Variants in RUNX1 observed in about 807,000 individuals in gnomAD.
RUNX1 encodes the protein runt-related transcription factor 1.
Under a neutral mutation model 42.8 loss-of-function variants are expected in RUNX1, and 19 were observed. That is an observed-to-expected ratio of 0.44 (90% confidence interval 0.31 to 0.65). The LOEUF is 0.65. Among genes scored for constraint, RUNX1 ranks in the 30% least tolerant of loss-of-function variants. RUNX1 has a pLI of 0.07. For synonymous variants in RUNX1, 271 were observed against 289.4 expected, an observed-to-expected ratio of 0.94 and a Z score of 0.64; for missense variants, 528 against 672.0, an observed-to-expected ratio of 0.79 and a Z score of 2.37.
chr21:34,863,088 G>A (rs1302326394), intron 5 of RUNX1, among the ~76,000 whole-genome samples: 2 of 152,138 alleles, frequency 1.3e-5, no homozygotes, highest in African/African-American at 4.8e-5. Flanking sequence ...AAACAAGATG[G>A]ATTTTATTGT....
intron 2 of RUNX1, among the ~76,000 whole-genome samples, chr21:34,902,770 TC>T (rs1268126114): frequency 6.6e-6 from 1 of 152,168 alleles, no homozygotes; most frequent in South Asian, 2.1e-4. Context: ...AGCCTCAGCC[TC>T]CTCATCCACA....
At chr21:34,913,782 AGTT>A (rs2058291029) in intron 2 of RUNX1, among the ~76,000 whole-genome samples, 1 of 152,196 alleles carries the variant, frequency 6.6e-6, no homozygotes, top group African/African-American at 2.4e-5. Flanking sequence ...ACTGACACGA[AGTT>A]GTGTTTTGGC....
intron 7 of RUNX1, among the ~76,000 whole-genome samples, chr21:34,806,332 G>A (rs751039226): frequency 1.3e-5 from 2 of 152,164 alleles, no homozygotes; most frequent in Non-Finnish European, 2.9e-5. Context: ...AGCCAGAGCA[G>A]CGATGTTAAT....
intron 2 of RUNX1, among the ~76,000 whole-genome samples, chr21:35,014,870 G>A (rs974403837): frequency 2.6e-5 from 4 of 152,298 alleles, no homozygotes; most frequent in Middle Eastern, 3.4e-3. Context: ...TTCTCTGTTC[G>A]TCTCCCTTGG....
At chr21:34,986,910 C>T (rs2058892113) in intron 2 of RUNX1, among the ~76,000 whole-genome samples, 1 of 152,182 alleles carries the variant, frequency 6.6e-6, no homozygotes, top group African/African-American at 2.4e-5. Flanking sequence ...CCCCTAACCT[C>T]AACCACTGAG....
chr21:34,989,862 T>G (rs1241795592), intron 2 of RUNX1, among the ~76,000 whole-genome samples: 1 of 152,178 alleles, frequency 6.6e-6, no homozygotes, highest in Non-Finnish European at 1.5e-5. Context: ...TCCCTGGGCT[T>G]TGCCTGCCAC....
intron 2 of RUNX1, among the ~76,000 whole-genome samples, chr21:35,024,887 T>C (rs1314727330): frequency 6.6e-6 from 1 of 152,196 alleles, no homozygotes; most frequent in Non-Finnish European, 1.5e-5. Flanking sequence ...GTCTGATTTT[T>C]AGAAACAGCC....
chr21:35,018,842 C>T (rs187672162), intron 2 of RUNX1, among the ~76,000 whole-genome samples: 9 of 152,280 alleles, frequency 5.9e-5, no homozygotes, highest in East Asian at 3.9e-4. Flanking sequence ...ACCTGCCCAA[C>T]GATCTGCAGT....
At chr21:35,032,826 T>C (rs1380336797) in intron 2 of RUNX1, among the ~76,000 whole-genome samples, 1 of 152,224 alleles carries the variant, frequency 6.6e-6, no homozygotes, top group African/African-American at 2.4e-5. Context: ...TGGGTGGAAA[T>C]CCCAGTTACT....
At chr21:34,943,329 A>G (rs2058541495) in intron 2 of RUNX1, among the ~76,000 whole-genome samples, 1 of 131,730 alleles carries the variant, frequency 7.6e-6, no homozygotes, top group South Asian at 2.2e-4. Context: ...TGTCTTTACC[A>G]GATGTACCCA....
chr21:34,969,074 A>AT (rs1334021638), intron 2 of RUNX1, among the ~76,000 whole-genome samples: 1 of 152,158 alleles, frequency 6.6e-6, no homozygotes, highest in Non-Finnish European at 1.5e-5. Flanking sequence ...TTCAGTTTTC[A>AT]TTTATCTCTT....
At chr21:35,022,034 A>G (rs1306115814) in intron 2 of RUNX1, among the ~76,000 whole-genome samples, 2 of 152,226 alleles carry the variant, frequency 1.3e-5, no homozygotes, top group African/African-American at 2.4e-5. Context: ...TGTGAAATAC[A>G]TGTGTTTATA....
At chr21:34,840,499 C>T (rs2057217862) in intron 6 of RUNX1, among the ~76,000 whole-genome samples, 1 of 152,204 alleles carries the variant, frequency 6.6e-6, no homozygotes, top group Non-Finnish European at 1.5e-5. Context: ...AAAGCATCCA[C>T]AACAATTACA....
intron 7 of RUNX1, among the ~76,000 whole-genome samples, chr21:34,818,729 C>T (rs748444110): frequency 3.9e-5 from 6 of 152,190 alleles, no homozygotes; most frequent in African/African-American, 7.2e-5. Context: ...ACCAGCCGAC[C>T]GGCAGCTTCT....
At chr21:34,987,540 A>C (rs970748207) in intron 2 of RUNX1, among the ~76,000 whole-genome samples, 17 of 152,226 alleles carry the variant, frequency 1.1e-4, no homozygotes, top group Non-Finnish European at 2.1e-4. Flanking sequence ...GAGATGAGCC[A>C]TGTGTTAGCA....
At chr21:34,844,267 C>T (rs940519450) in intron 6 of RUNX1, among the ~76,000 whole-genome samples, 3 of 152,186 alleles carry the variant, frequency 2.0e-5, no homozygotes, top group African/African-American at 7.2e-5. Context: ...ACTCACAGAA[C>T]GCTGCCTGGA....
chr21:34,880,795 A>G, intron 4 of RUNX1, 82 bp from the exon 5 acceptor site: 1 of 1,365,212 alleles, frequency 7.3e-7, no homozygotes, highest in South Asian at 1.2e-5. Context: ...TGATTATTCT[A>G]AAATTAAATG....
intron 2 of RUNX1, among the ~76,000 whole-genome samples, chr21:34,949,753 C>T (rs2058593167): frequency 6.6e-6 from 1 of 152,230 alleles, no homozygotes; most frequent in African/African-American, 2.4e-5. Context: ...GGGCCTCCTA[C>T]TCTCATCGTT....
chr21:35,043,497 T>C lies in RUNX1; in HGVS notation c.58+5345A>G, dbSNP rs370966284. On this transcript the variant is annotated intron_variant, in intron 2 of 8. Transcript: ENST00000675419. ...AAAATATCTTGCATTTGTGAAATGA[T>C]GGGAGAACTATTTTCTAAACAGAAA... Among the ~76,000 whole-genome samples the C allele has an allele frequency of 3.7e-4, 56 of 152,202 alleles. 1 individual carries two copies. The highest frequency in any genetic ancestry group is 4.6e-4 in the African/African-American group (19 of 41,452).
Sources: allele counts gnomAD v4.1 joint callset (sites outside exome capture counted in the v4.1 genomes callset), GRCh38; gene constraint gnomAD v4.1.1; transcripts MANE v1.5; gene names NCBI Gene and HGNC (gene_info 2026-07-23, HGNC 2026-07-21).